PDE12: variants seen among roughly 807,000 people sequenced by gnomAD.
The protein encoded by PDE12 is phosphodiesterase 12.
In PDE12, 26 loss-of-function variants were observed where a neutral mutation model predicts 45.4. The ratio of observed to expected loss-of-function variants is 0.57; its 90% CI spans 0.42 to 0.79. The LOEUF is 0.79. Ranked by LOEUF, PDE12 falls within the 30% of genes least tolerant of loss-of-function variation. PDE12 has a pLI of 0.00. For missense variants in PDE12, 668 were observed against 790.0 expected (o/e 0.85, Z 1.85); for synonymous variants, 283 against 323.9 (o/e 0.87, Z 1.36).
chr3:57,559,843 C>A lies in PDE12; in HGVS notation c.1669C>A (p.His557Asn). ...TTACACAAATTATGTTGGTGGCTTTCATGGATGTCTAGATTACATTTTCAT... is the reference window on the plus strand; with the variant it reads ...TTACACAAATTATGTTGGTGGCTTTAATGGATGTCTAGATTACATTTTCAT... ...PAYTNYVGGF[H>N]GCLDYIFIDL... The change falls in exon 3 of 3, where the codon CAT becomes AAT. Residue 557 changes from histidine (H) to asparagine (N), a missense_variant. Around this residue, in one of 3 missense-constraint regions of PDE12, gnomAD observed 79 missense variants for 97.9 expected, o/e 0.81. Coordinates refer to ENST00000311180, the MANE Select transcript of PDE12 (RefSeq NM_177966.7). The A allele has an allele frequency of 6.2e-7, 1 of 1,614,138 alleles. No homozygotes were observed. Among genetic ancestry groups the A allele is most frequent in the Non-Finnish European group, 8.5e-7 (1 of 1,180,026 alleles).
chr3:57,631,716 C>CTTTTT, the PDE12 span, among the ~76,000 whole-genome samples: 58 of 92,000 alleles, frequency 6.3e-4, no homozygotes, highest in Admixed American at 1.0e-3. Flanking sequence ...TCTCTGCTCT[C>CTTTTT]TTTTTTTTTT....
the PDE12 span, among the ~76,000 whole-genome samples, chr3:57,620,602 A>G: frequency 6.6e-6 from 1 of 152,198 alleles, no homozygotes; most frequent in Non-Finnish European, 1.5e-5. Flanking sequence ...AAAAAAGGCT[A>G]CTAGAATAAA....
the PDE12 span, chr3:57,628,903 C>G: frequency 6.2e-7 from 1 of 1,600,546 alleles, no homozygotes; most frequent in East Asian, 2.2e-5. Flanking sequence ...AAATAAAGTC[C>G]CAAATCAGTA....
At chr3:57,585,096 T>A in the PDE12 span, among the ~76,000 whole-genome samples, 2 of 152,154 alleles carry the variant, frequency 1.3e-5, no homozygotes, top group Non-Finnish European at 2.9e-5. Context: ...ACTCCTGGCC[T>A]CAAGTGATCT....
the PDE12 span, among the ~76,000 whole-genome samples, chr3:57,622,704 G>A: frequency 6.6e-6 from 1 of 152,046 alleles, no homozygotes; most frequent in Non-Finnish European, 1.5e-5. Context: ...ACAGGTAAGT[G>A]GGTAAAAAAT....
At chr3:57,596,849 T>G in the PDE12 span, 6 of 532,142 alleles carry the variant, frequency 1.1e-5, no homozygotes, top group African/African-American at 1.2e-4. Flanking sequence ...CAGAAAGAAA[T>G]CTTGCCCGAA....
At chr3:57,629,156 A>G in the PDE12 span, among the ~76,000 whole-genome samples, 1 of 152,350 alleles carries the variant, frequency 6.6e-6, no homozygotes, top group East Asian at 1.9e-4. Flanking sequence ...AAGAAAAACA[A>G]AATTGCAGCT....
the PDE12 span, among the ~76,000 whole-genome samples, chr3:57,647,673 G>T: frequency 1.3e-5 from 2 of 152,110 alleles, no homozygotes; most frequent in Admixed American, 1.3e-4. Flanking sequence ...AGAAATGAGG[G>T]TATCTCCATG....
rs1364399870 is a variant in PDE12 at position 57,562,441 on chromosome 3, A to G, written c.*2437A>G. 2 of 152,238 alleles carry G rather than the reference A, an allele frequency of 1.3e-5. No homozygotes were observed. Among genetic ancestry groups the G allele is most frequent in the African/African-American group, 4.8e-5 (2 of 41,470 alleles). The allele number at this position is 152,238 out of a possible 1,614,324, so 9.4% of individuals were successfully genotyped here. The stretch of plus-strand genomic sequence containing the variant: ...GTTAAAATGATTGGAGTCCAAAGGT[A>G]GGGAACACTAAGAAAATGTATAAAT... On this transcript the variant is annotated 3_prime_UTR_variant, in exon 3 of 3. Coordinates refer to ENST00000311180, the MANE Select transcript of PDE12 (RefSeq NM_177966.7).
the PDE12 span, among the ~76,000 whole-genome samples, chr3:57,579,927 T>C: frequency 6.6e-6 from 1 of 151,954 alleles, no homozygotes; most frequent in Non-Finnish European, 1.5e-5. Context: ...AGTAAGACCC[T>C]GTCTCTACGA....
the PDE12 span, among the ~76,000 whole-genome samples, chr3:57,620,483 GCAAT>G: frequency 2.6e-4 from 40 of 151,974 alleles, no homozygotes; most frequent in African/African-American, 9.7e-4. Flanking sequence ...TCTAGCCAGC[GCAAT>G]CAAAGAAAAA....
chr3:57,556,472 G>C lies in PDE12; in HGVS notation c.93G>C (p.Ala31=), dbSNP rs61747701. 3.1e-6 allele frequency: 5 copies of C among 1,612,274 alleles called. No homozygotes were observed. In the South Asian group the frequency reaches 5.5e-5, roughly 18 times the overall value. ...LSRAEAGSQT[A]AGAMERAVVR... is the part of the protein sequence containing the mutation. ...GGGCTGAAGCGGGGAGCCAGACAGC[G>C]GCGGGAGCGATGGAGCGCGCTGTAG... Residue 31 remains alanine, a synonymous_variant, in exon 1 of 3, where the codon GCG becomes GCC. Transcript: ENST00000311180. This position sits in a 1 kb window ranked among gnomAD's most constrained non-coding sequence, Gnocchi z 5.0.
In PDE12 at chr3:57,566,820, T is replaced by TA. The variant is rs1410715991; in HGVS notation, c.*6822dup. Reference sequence around the variant, plus strand: ...TATTTGTTGTTTAGCCACCCCTCCTTAAAAAATAAATAATATAATAATCCA... The same window carrying TA: ...TATTTGTTGTTTAGCCACCCCTCCTTAAAAAAATAAATAATATAATAATCCA... On this transcript the variant is annotated 3_prime_UTR_variant, in exon 3 of 3. Coordinates refer to ENST00000311180, the MANE Select transcript of PDE12 (RefSeq NM_177966.7). The TA allele has an allele frequency of 1.3e-5, 2 of 152,102 alleles. No individual in the cohort carries two copies. The highest frequency in any genetic ancestry group is 4.8e-5 in the African/African-American group (2 of 41,416). The allele number at this position is 152,102 out of a possible 1,614,324, so 9.4% of individuals were successfully genotyped here. A position where few individuals can be genotyped will look rare whatever the true frequency, so the allele number is the denominator to read the frequency against.
the PDE12 span, among the ~76,000 whole-genome samples, chr3:57,574,920 C>A: frequency 2.6e-5 from 4 of 151,252 alleles, no homozygotes; most frequent in African/African-American, 9.7e-5. Context: ...GCGATCGCGA[C>A]TCACCGCAAC....
the PDE12 span, among the ~76,000 whole-genome samples, chr3:57,573,190 A>G: frequency 6.8e-6 from 1 of 145,994 alleles, no homozygotes; most frequent in Non-Finnish European, 1.5e-5. Context: ...TGACAGAGCA[A>G]GACTCCATCT....
At chr3:57,638,124 A>T in the PDE12 span, among the ~76,000 whole-genome samples, 1 of 151,792 alleles carries the variant, frequency 6.6e-6, no homozygotes, top group East Asian at 1.9e-4. Flanking sequence ...ACAGACCAAG[A>T]CTCCATCTCA....
chr3:57,656,180 G>A, the PDE12 span, among the ~76,000 whole-genome samples: 1 of 152,120 alleles, frequency 6.6e-6, no homozygotes, highest in African/African-American at 2.4e-5. Flanking sequence ...CCCTTATGTA[G>A]TAGATTTCCT....
At chr3:57,585,691 A>G in the PDE12 span, among the ~76,000 whole-genome samples, 7 of 138,724 alleles carry the variant, frequency 5.0e-5, no homozygotes, top group African/African-American at 1.6e-4. Flanking sequence ...GAGACAGAGT[A>G]TCACTCTGTC....
At chr3:57,577,307 A>AT in the PDE12 span, 1 of 1,607,808 alleles carries the variant, frequency 6.2e-7, no homozygotes, top group Non-Finnish European at 8.5e-7. Context: ...TTTAAAGTAT[A>AT]TTTCTTACCA....
Sources: gnomAD v4.1 joint callset for allele counts (sites outside exome capture counted in the v4.1 genomes callset) on GRCh38, gnomAD v4.1.1 for gene constraint, gnomAD v4.1.1 regional missense constraint, Gnocchi (gnomAD v3.1) non-coding constraint, MANE v1.5 for transcripts, NCBI Gene and HGNC (gene_info 2026-07-23, HGNC 2026-07-21) for gene names.